Variants in UBE2D2 observed in about 807,000 individuals in gnomAD.
The protein encoded by UBE2D2 is ubiquitin conjugating enzyme E2 D2.
In UBE2D2, 2 loss-of-function variants were observed where a neutral mutation model predicts 24.2. The ratio of observed to expected loss-of-function variants is 0.08; its 90% CI spans 0.03 to 0.26. The LOEUF is 0.26. UBE2D2 is among the 10% of genes least tolerant of loss of function. The pLI is 1.00. For missense variants in UBE2D2, 44 were observed against 177.6 expected, an observed-to-expected ratio of 0.25 and a Z score of 4.28; for synonymous variants, 58 against 56.5, an observed-to-expected ratio of 1.03 and a Z score of -0.12.
At chr5:139,619,637 G>A (rs1055850180) in intron 5 of UBE2D2, among the ~76,000 whole-genome samples, 7 of 152,080 alleles carry the variant, frequency 4.6e-5, no homozygotes, top group African/African-American at 1.2e-4. Context: ...GCCGAGATGC[G>A]CAGATCACTG....
At chr5:139,581,819 C>A (rs1290737651) in intron 1 of UBE2D2, among the ~76,000 whole-genome samples, 1 of 151,984 alleles carries the variant, frequency 6.6e-6, no homozygotes, top group Non-Finnish European at 1.5e-5. Flanking sequence ...CAGGCGCGCG[C>A]CACCATGCCT....
chr5:139,548,178 AAAAAATAAAAAAAAAAAAT>A (rs1328849328), intron 1 of UBE2D2, among the ~76,000 whole-genome samples: 1 of 39,804 alleles, frequency 2.5e-5, no homozygotes, highest in Admixed American at 2.3e-4. Context: ...AAAAAAAAAA[AAAAAATAAAAAAAAAAAAT>A]AAATAAATAA....
In UBE2D2 at chr5:139,551,247, A is replaced by G. The variant is rs3178940; in HGVS notation, c.-64+24635A>G. On this transcript the variant is annotated intron_variant, in intron 1 of 6. Transcript: ENST00000511725. ...TGTAATTCCAGCTACCCAGGAGGCT[A>G]AGGCAGGTCTTGAATTGCTTCAACC... Among the ~76,000 whole-genome samples the G allele has an allele frequency of 5.3e-5, 8 of 152,126 alleles. No individual in the cohort carries two copies. In the South Asian group the frequency reaches 6.2e-4, roughly 12 times the overall value.
chr5:139,550,608 G>C (rs1038378882), intron 1 of UBE2D2, among the ~76,000 whole-genome samples: 1 of 151,952 alleles, frequency 6.6e-6, no homozygotes, highest in Non-Finnish European at 1.5e-5. Flanking sequence ...GAGATAACTT[G>C]CTGCTGCTCA....
intron 1 of UBE2D2, among the ~76,000 whole-genome samples, chr5:139,527,039 C>A (rs1055727570): frequency 4.0e-5 from 6 of 151,872 alleles, no homozygotes; most frequent in Admixed American, 3.9e-4. Context: ...GCAAAGTAAG[C>A]CCACCCCACT....
intron 1 of UBE2D2, among the ~76,000 whole-genome samples, chr5:139,544,171 T>C (rs1752795262): frequency 6.6e-6 from 1 of 150,634 alleles, no homozygotes; most frequent in Admixed American, 6.6e-5. Flanking sequence ...TTTCTTTCTT[T>C]TTTTTTTTTT....
chr5:139,596,766 G>A (rs1753968336), intron 1 of UBE2D2, among the ~76,000 whole-genome samples: 1 of 151,504 alleles, frequency 6.6e-6, no homozygotes, highest in African/African-American at 2.4e-5. Flanking sequence ...ATAATAATAG[G>A]CCAGGTGCGG....
chr5:139,549,765 G>C (rs1045800585), intron 1 of UBE2D2, among the ~76,000 whole-genome samples: 4 of 152,234 alleles, frequency 2.6e-5, no homozygotes, highest in Non-Finnish European at 5.9e-5. Flanking sequence ...ACTCCGCCCC[G>C]GCCCAGCACA....
At chr5:139,555,395 AAAATTATTTG>A (rs1359366961) in intron 1 of UBE2D2, among the ~76,000 whole-genome samples, 1 of 151,860 alleles carries the variant, frequency 6.6e-6, no homozygotes, top group East Asian at 1.9e-4. Flanking sequence ...ACATTATTTG[AAAATTATTTG>A]AAATTATTTG....
chr5:139,586,759 C>T lies in UBE2D2; in HGVS notation c.25-13613C>T, dbSNP rs796076158. Among the ~76,000 whole-genome samples, 42 of 150,590 alleles carry T rather than the reference C, an allele frequency of 2.8e-4. 1 individual carries two copies. The highest frequency in any genetic ancestry group is 9.3e-4 in the African/African-American group (38 of 41,042). On this transcript the variant is annotated intron_variant, in intron 1 of 6. Transcript: ENST00000398733. ...CAGCCTGGGCGACAGAGCGAGACTCCGTCTCAAAAAAAAAAAGAATTTTCT... is the reference window on the plus strand; with the variant it reads ...CAGCCTGGGCGACAGAGCGAGACTCTGTCTCAAAAAAAAAAAGAATTTTCT...
chr5:139,584,563 G>A lies in UBE2D2; in HGVS notation c.25-15809G>A, dbSNP rs184033666. 4.5e-3 allele frequency among the ~76,000 whole-genome samples: 533 copies of A among 118,790 alleles called. 10 individuals carry two copies. The South Asian group carries it at 0.046, about 10-fold the overall frequency. The allele number at this position is 118,790 out of a possible 152,430, so 77.9% of individuals were successfully genotyped here. On this transcript the variant is annotated intron_variant, in intron 1 of 6. Transcript: ENST00000398733. ...TTTTTTTTTTTGAGACAAGAGTTTCGCTCTTGTTGCCCAGTCTGGAGTGCA... is the reference window on the plus strand; with the variant it reads ...TTTTTTTTTTTGAGACAAGAGTTTCACTCTTGTTGCCCAGTCTGGAGTGCA...
intron 1 of UBE2D2, among the ~76,000 whole-genome samples, chr5:139,580,045 CAA>C (rs199662706): frequency 1.7e-4 from 20 of 116,874 alleles, no homozygotes; most frequent in South Asian, 2.7e-4. Flanking sequence ...GACTCCCTCT[CAA>C]AAAAAAAAAA....
intron 1 of UBE2D2, among the ~76,000 whole-genome samples, chr5:139,572,906 T>C (rs1753384370): frequency 6.6e-6 from 1 of 152,080 alleles, no homozygotes; most frequent in Admixed American, 6.6e-5. Context: ...AGCCTTTCAA[T>C]GTGCTGGGAT....
At chr5:139,570,863 A>G (rs1032838917) in intron 1 of UBE2D2, among the ~76,000 whole-genome samples, 1 of 152,120 alleles carries the variant, frequency 6.6e-6, no homozygotes, top group Non-Finnish European at 1.5e-5. Flanking sequence ...TTCTGCATAT[A>G]TCTTTCATCA....
intron 1 of UBE2D2, among the ~76,000 whole-genome samples, chr5:139,569,997 C>T (rs1416132639): frequency 6.6e-6 from 1 of 152,142 alleles, no homozygotes; most frequent in African/African-American, 2.4e-5. Flanking sequence ...GTGGCTCATG[C>T]CTGTAATCCC....
intron 1 of UBE2D2, among the ~76,000 whole-genome samples, chr5:139,532,408 G>C (rs895821534): frequency 6.6e-6 from 1 of 151,502 alleles, no homozygotes; most frequent in Non-Finnish European, 1.5e-5. Context: ...CTGGAGGGCA[G>C]TGGCACGATC....
chr5:139,624,237 T>C lies in UBE2D2; in HGVS notation c.398+776T>C, dbSNP rs544588120. ...GATGTAGAATTTGGGTATTTTAGAATTGTACTATGAATTATTGAACAGTGG... is the reference window on the plus strand; with the variant it reads ...GATGTAGAATTTGGGTATTTTAGAACTGTACTATGAATTATTGAACAGTGG... On this transcript the variant is annotated intron_variant, in intron 6 of 6. Transcript: ENST00000398733. Among the ~76,000 whole-genome samples, 6 of 152,340 alleles carry C rather than the reference T, an allele frequency of 3.9e-5. No individual in the cohort carries two copies. The South Asian group carries it at 1.2e-3, about 32-fold the overall frequency.
intron 1 of UBE2D2, among the ~76,000 whole-genome samples, chr5:139,537,746 C>T (rs374107440): frequency 2.0e-3 from 311 of 151,920 alleles, no homozygotes; most frequent in Middle Eastern, 3.4e-3. Flanking sequence ...GGGCGGATCA[C>T]GAGGTCAGGA....
In UBE2D2 at chr5:139,583,038, G is replaced by A. The variant is rs373290017; in HGVS notation, c.25-17334G>A. 7.3e-5 allele frequency among the ~76,000 whole-genome samples: 11 copies of A among 150,542 alleles called. 2 individuals carry two copies. Among genetic ancestry groups the A allele is most frequent in the Admixed American group, 3.3e-4 (5 of 14,992 alleles). On this transcript the variant is annotated intron_variant, in intron 1 of 6. Transcript: ENST00000398733. ...CGCCCGGGCTGGAGTGCAATGGCAC[G>A]ATCTTGGCTCACTCCATCTTCCGCC... is the stretch of plus-strand genomic sequence containing the variant.
Sources: gnomAD v4.1 joint callset for allele counts (sites outside exome capture counted in the v4.1 genomes callset) on GRCh38, gnomAD v4.1.1 for gene constraint, MANE v1.5 for transcripts, NCBI Gene and HGNC (gene_info 2026-07-23, HGNC 2026-07-21) for gene names.